Variants in WDR76 observed in about 807,000 individuals in gnomAD.
WDR76 encodes the protein WD repeat domain 76.
In WDR76, 52 loss-of-function variants were observed where a neutral mutation model predicts 70.2. The observed-to-expected ratio is 0.74, with a 90% CI of 0.59 to 0.93. The LOEUF (loss-of-function observed/expected upper bound fraction) is 0.93, where lower values mean the gene tolerates loss of function less well. Among genes scored for constraint, WDR76 ranks in the 40% least tolerant of loss-of-function variants. The pLI is 0.00. For synonymous variants in WDR76, 292 were observed against 271.1 expected (o/e 1.08, Z -0.76); for missense variants, 756 against 760.2 (o/e 0.99, Z 0.07).
At chr15:43,827,128 T>C (rs1296625559) in intron 1 of WDR76, 36 bp downstream of exon 1, 2 of 1,614,008 alleles carry the variant, frequency 1.2e-6, no homozygotes, top group South Asian at 2.2e-5. Flanking sequence ...GGTGTGCTCC[T>C]GCCTCGGTTT....
intron 9 of WDR76, among the ~76,000 whole-genome samples, chr15:43,856,282 G>T (rs1284825394): frequency 2.6e-5 from 4 of 152,018 alleles, no homozygotes; most frequent in Admixed American, 6.6e-5. Flanking sequence ...GGGTCAAAAA[G>T]TATAAGCATT....
At chr15:43,835,020 A>G (rs771985706) in intron 2 of WDR76, 41 bp from the exon 3 acceptor site, 3 of 1,552,248 alleles carry the variant, frequency 1.9e-6, no homozygotes, top group Non-Finnish European at 8.9e-7. Flanking sequence ...TTTCCTGTAG[A>G]TTATATAAAG....
intron 2 of WDR76, among the ~76,000 whole-genome samples, chr15:43,830,665 GAAAA>G (rs1036269002): frequency 6.8e-6 from 1 of 146,428 alleles, no homozygotes; most frequent in African/African-American, 2.5e-5. Flanking sequence ...TGCTCCTAAA[GAAAA>G]AAAAAAGGAG....
chr15:43,849,699 G>A (rs527469738), intron 8 of WDR76, among the ~76,000 whole-genome samples: 57 of 152,120 alleles, frequency 3.7e-4, no homozygotes, highest in Non-Finnish European at 7.8e-4. Flanking sequence ...CACCACGCCC[G>A]GCTAATTTTT....
chr15:43,860,737 G>A (rs1419590090), intron 11 of WDR76, among the ~76,000 whole-genome samples: 1 of 151,698 alleles, frequency 6.6e-6, no homozygotes. Flanking sequence ...TCAAACTCCT[G>A]GCTTCAAGTG....
At chr15:43,862,116 G>A (rs776488062) in intron 12 of WDR76, among the ~76,000 whole-genome samples, 1 of 151,956 alleles carries the variant, frequency 6.6e-6, no homozygotes, top group Non-Finnish European at 1.5e-5. Context: ...GATTACAGGC[G>A]TAAGCCACGG....
intron 3 of WDR76, 139 bp from the exon 4 acceptor site, chr15:43,836,022 C>T: frequency 1.6e-6 from 1 of 630,868 alleles, no homozygotes; most frequent in East Asian, 3.3e-5. Flanking sequence ...TGGCGCTGAT[C>T]ATGACTCATG....
At position 43,857,099 on chromosome 15, in the gene WDR76, G is replaced by C; in HGVS notation, c.1345G>C (p.Gly449Arg). The change falls in exon 10 of 13, where the codon GGA becomes CGA. Residue 449 changes from glycine to arginine, a missense_variant. Physicochemically the swap from Gly to Arg is moderately radical, Grantham distance 125. Coordinates refer to ENST00000263795, the MANE Select transcript of WDR76 (RefSeq NM_024908.4). Reference protein sequence around the residue: ...SYEKLTSSSMGKIRTVHVHPV... With the variant: ...SYEKLTSSSMRKIRTVHVHPV... ...TGAGAAACTTACCAGTTCTTCTATG[G>C]GAAAAATAAGAACTGTTCATGTCCA... 6.2e-7 allele frequency: 1 copy of C among 1,613,996 alleles called. No homozygotes were observed. The highest frequency in any genetic ancestry group is 8.5e-7 in the Non-Finnish European group (1 of 1,179,982).
intron 2 of WDR76, among the ~76,000 whole-genome samples, chr15:43,829,548 C>T (rs934822300): frequency 5.1e-5 from 7 of 137,920 alleles, no homozygotes; most frequent in Admixed American, 4.1e-4. Context: ...GTTCTGTTGC[C>T]CAGGATGGAG....
chr15:43,864,923 A>AT (rs1319500873), intron 12 of WDR76, among the ~76,000 whole-genome samples: 3 of 150,952 alleles, frequency 2.0e-5, no homozygotes, highest in Admixed American at 2.0e-4. Flanking sequence ...TTATTTTTTA[A>AT]TTTTTAATTT....
At chr15:43,839,835 C>A in intron 5 of WDR76, 107 bp downstream of exon 5, 1 of 1,271,232 alleles carries the variant, frequency 7.9e-7, no homozygotes. Flanking sequence ...TTTTATATTT[C>A]ATTAATACTT....
chr15:43,833,978 C>T (rs2087624238), intron 2 of WDR76, among the ~76,000 whole-genome samples: 1 of 152,172 alleles, frequency 6.6e-6, no homozygotes, highest in Admixed American at 6.6e-5. Flanking sequence ...CTTCCAATTT[C>T]TCAGCAGTTT....
chr15:43,856,881 ATT>A, intron 9 of WDR76, 63 bp from the exon 10 acceptor site: 1 of 1,439,290 alleles, frequency 6.9e-7, no homozygotes, highest in Non-Finnish European at 9.5e-7. Flanking sequence ...TTACCAAAGA[ATT>A]TATGCTTTGG....
In WDR76 at chr15:43,828,261, A is replaced by C; in HGVS notation, c.357A>C (p.Glu119Asp). Reference sequence around the variant, plus strand: ...ATTCATCCTCAGCTGTTCATACTGAAAGTAACAAGCTACAACCCAAGAGAA... The same window carrying C: ...ATTCATCCTCAGCTGTTCATACTGACAGTAACAAGCTACAACCCAAGAGAA... ...LQNSSSAVHT[E>D]SNKLQPKRTA... Residue 119 changes from glutamate to aspartate, a missense_variant, in exon 2 of 13, where the codon GAA becomes GAC. By Grantham distance (45) the Glu-to-Asp change is conservative (BLOSUM62 2). Coordinates refer to ENST00000263795, the MANE Select transcript of WDR76 (RefSeq NM_024908.4). The C allele has an allele frequency of 6.2e-7, 1 of 1,614,236 alleles. No homozygotes were observed. The highest frequency in any genetic ancestry group is 8.5e-7 in the Non-Finnish European group (1 of 1,180,042).
chr15:43,832,743 GTTTTTTTTTTTT>G (rs201304087), intron 2 of WDR76, among the ~76,000 whole-genome samples: 26 of 68,074 alleles, frequency 3.8e-4, no homozygotes, highest in African/African-American at 1.4e-3. Flanking sequence ...GGCTTGCTTT[GTTTTTTTTTTTT>G]TTTTTTTTTT....
Position 43,866,492 on chromosome 15 carries a change from T to G in WDR76, c.*100T>G. On this transcript the variant is annotated 3_prime_UTR_variant, in exon 13 of 13. Coordinates refer to ENST00000263795, the MANE Select transcript of WDR76 (RefSeq NM_024908.4). ...GTGTTTATGTGGTAATGTGTTACAT[T>G]TAGCAATTATAACATTGTTTTATTA... 7.5e-7 allele frequency: 1 copy of G among 1,327,524 alleles called. No individual in the cohort carries two copies. The highest frequency in any genetic ancestry group is 1.0e-6 in the Non-Finnish European group (1 of 955,100). The allele number at this position is 1,327,524 out of a possible 1,614,324, so 82.2% of individuals were successfully genotyped here.
At chr15:43,859,918 G>A (rs1235901653) in intron 11 of WDR76, among the ~76,000 whole-genome samples, 1 of 152,212 alleles carries the variant, frequency 6.6e-6, no homozygotes, top group African/African-American at 2.4e-5. Flanking sequence ...GTAGTGCTCA[G>A]TGGAGGCTTC....
intron 11 of WDR76, 118 bp downstream of exon 11, chr15:43,858,941 A>G: frequency 7.7e-7 from 1 of 1,306,632 alleles, no homozygotes; most frequent in East Asian, 2.4e-5. Context: ...GTTATTGTTT[A>G]GTAGTCATAT....
intron 12 of WDR76, among the ~76,000 whole-genome samples, chr15:43,865,283 T>G (rs891546260): frequency 8.8e-5 from 13 of 147,318 alleles, no homozygotes; most frequent in African/African-American, 3.3e-4. Flanking sequence ...TTTATTTTTA[T>G]TTTTTTTGAG....
Sources: allele counts gnomAD v4.1 joint callset (sites outside exome capture counted in the v4.1 genomes callset), GRCh38; gene constraint gnomAD v4.1.1; transcripts MANE v1.5; gene names NCBI Gene and HGNC (gene_info 2026-07-23, HGNC 2026-07-21).